The following ACACA variants were observed in gnomAD, a reference collection of about 807,000 sequenced individuals.
ACACA encodes the protein acetyl-CoA carboxylase 1.
A neutral mutation model predicts 296.1 loss-of-function variants in ACACA; 103 were observed. That is an observed-to-expected ratio of 0.35 (90% CI 0.30 to 0.41). ACACA has a LOEUF of 0.41. ACACA is among the 10% of genes least tolerant of loss of function. The probability of loss-of-function intolerance (pLI) is 1.00; values close to 1 mark genes in which losing one functional copy is unlikely to be tolerated. For synonymous variants in ACACA, 953 were observed against 1,038.6 expected (o/e 0.92, Z 1.58); for missense variants, 1,554 against 2,989.7 (o/e 0.52, Z 11.20).
chr17:37,163,437 C>G (rs1359672909), intron 41 of ACACA, among the ~76,000 whole-genome samples: 2 of 152,126 alleles, frequency 1.3e-5, no homozygotes, highest in African/African-American at 4.8e-5. Flanking sequence ...ATTATCCAGC[C>G]TCAGGTATTC....
At chr17:37,390,197 A>T (rs1237479965) in intron 1 of ACACA, among the ~76,000 whole-genome samples, 6 of 81,088 alleles carry the variant, frequency 7.4e-5, no homozygotes, top group Non-Finnish European at 1.3e-4. Flanking sequence ...TTATATATAA[A>T]TATATATAAT....
Position 37,284,934 on chromosome 17 carries a change from G to A in ACACA, c.375C>T (p.Gly125=). Residue 125 remains glycine (G), a synonymous_variant, in exon 4 of 56, where the codon GGC becomes GGT. Transcript: ENST00000616317. ...SMSGLHLVKQ[G]RDRKKIDSQR... is the part of the protein sequence containing the mutation. ...GAGAATCTATTTTCTTTCTGTCTCG[G>A]CCCTGCTTTACTAGGTGCAAGCCAG... 1 of 1,614,036 alleles carries A rather than the reference G, an allele frequency of 6.2e-7. No individual in the cohort carries two copies. The highest frequency in any genetic ancestry group is 8.5e-7 in the Non-Finnish European group (1 of 1,180,002).
chr17:37,111,895 A>G (rs1338073473), intron 51 of ACACA, among the ~76,000 whole-genome samples: 1 of 152,184 alleles, frequency 6.6e-6, no homozygotes, highest in Non-Finnish European at 1.5e-5. Flanking sequence ...TTCCATTTCA[A>G]AGGGAGAAGA....
At position 37,122,691 on chromosome 17, in the gene ACACA, T is replaced by C. The variant is rs2074585678; in HGVS notation, c.6042-64A>G. ...CAACATTATAGCTAGCCATTTGTTT[T>C]CCAATCCCAAATCAAGACATTGGGG... On this transcript the variant is annotated intron_variant, in intron 48 of 55. Transcript: ENST00000616317. The C allele has an allele frequency of 2.9e-6, 4 of 1,399,360 alleles. No homozygotes were observed. In the Admixed American group the frequency reaches 6.7e-5, roughly 23 times the overall value. The allele number at this position is 1,399,360 out of a possible 1,614,324, so 86.7% of individuals were successfully genotyped here.
rs9915785 is a variant in ACACA at position 37,198,711 on chromosome 17, C to T, written c.4158+1428G>A. On this transcript the variant is annotated intron_variant, in intron 35 of 55. Transcript: ENST00000616317. The stretch of plus-strand genomic sequence containing the variant: ...GGAGTCATGCAGTCCACAACATTTC[C>T]TAAAGCATTTCAGAAAATCTTAGCT... Among the ~76,000 whole-genome samples, 1,483 of 152,286 alleles carry T rather than the reference C, an allele frequency of 9.7e-3. 22 individuals carry two copies. Among genetic ancestry groups the T allele is most frequent in the African/African-American group, 0.034 (1,412 of 41,542 alleles).
intron 3 of ACACA, among the ~76,000 whole-genome samples, chr17:37,322,585 C>A (rs2047405732): frequency 6.6e-6 from 1 of 152,112 alleles, no homozygotes; most frequent in South Asian, 2.1e-4. Context: ...TTTTCCAAGA[C>A]CACTCTGGCC....
At chr17:37,142,183 A>G (rs986718235) in intron 45 of ACACA, among the ~76,000 whole-genome samples, 2 of 152,008 alleles carry the variant, frequency 1.3e-5, no homozygotes, top group African/African-American at 4.8e-5. Context: ...GGGTCTCCCA[A>G]ATTCTTAGAC....
intron 29 of ACACA, among the ~76,000 whole-genome samples, chr17:37,219,052 G>A (rs1377717077): frequency 6.6e-6 from 1 of 152,186 alleles, no homozygotes; most frequent in Non-Finnish European, 1.5e-5. Context: ...ACTCAGGAGG[G>A]GAGCTGGTCA....
intron 3 of ACACA, among the ~76,000 whole-genome samples, chr17:37,311,036 A>G (rs2084112767): frequency 6.6e-6 from 1 of 152,158 alleles, no homozygotes; most frequent in South Asian, 2.1e-4. Context: ...GGAACTGTTG[A>G]GAGACTTAGA....
intron 4 of ACACA, 96 bp downstream of exon 4, chr17:37,284,742 C>G: frequency 6.4e-7 from 1 of 1,551,860 alleles, no homozygotes; most frequent in Non-Finnish European, 8.9e-7. Context: ...CTCTGAGAAA[C>G]TAAATATCAA....
chr17:37,336,132 T>C (rs569611935), intron 2 of ACACA, among the ~76,000 whole-genome samples: 2 of 152,206 alleles, frequency 1.3e-5, no homozygotes, highest in African/African-American at 4.8e-5. Flanking sequence ...TACAAATCGT[T>C]CTTCAAATGG....
Position 37,259,525 on chromosome 17 carries a change from C to G in ACACA, c.1335G>C (p.Ala445=). The G allele has an allele frequency of 6.2e-7, 1 of 1,614,152 alleles. No individual in the cohort carries two copies. The highest frequency in any genetic ancestry group is 8.5e-7 in the Non-Finnish European group (1 of 1,180,022). The change falls in exon 12 of 56, where the codon GCG becomes GCC. Residue 445 remains alanine, a synonymous_variant. Coordinates refer to ENST00000616317, the MANE Select transcript of ACACA (RefSeq NM_198834.3). ...PAVFEHMEQC[A]VKLAKMVGYV... ...AACCCACCATTTTGGCAAGTTTCACCGCACACTCAAAGAAGAGAGATAAGC... is the reference window on the plus strand; with the variant it reads ...AACCCACCATTTTGGCAAGTTTCACGGCACACTCAAAGAAGAGAGATAAGC...
chr17:37,239,730 G>T (rs1315798969), intron 24 of ACACA, among the ~76,000 whole-genome samples: 4 of 152,168 alleles, frequency 2.6e-5, no homozygotes, highest in African/African-American at 9.7e-5. Flanking sequence ...AAGCCAACTT[G>T]GTTGTTATGT....
intron 9 of ACACA, among the ~76,000 whole-genome samples, chr17:37,271,751 C>T (rs1432356949): frequency 1.3e-5 from 2 of 151,966 alleles, no homozygotes; most frequent in East Asian, 3.9e-4. Flanking sequence ...AGGTGGATCA[C>T]CTGAGGTCAG....
chr17:37,227,314 C>T (rs2079583578), intron 25 of ACACA, among the ~76,000 whole-genome samples: 1 of 152,158 alleles, frequency 6.6e-6, no homozygotes, highest in South Asian at 2.1e-4. Context: ...TTATAAATGT[C>T]TGTCCTTTTT....
At chr17:37,258,646 T>C (rs965085504) in intron 12 of ACACA, among the ~76,000 whole-genome samples, 4 of 152,156 alleles carry the variant, frequency 2.6e-5, no homozygotes. Flanking sequence ...CTCCATCACG[T>C]AATAAGAATG....
chr17:37,374,518 C>T (rs1043907317), intron 1 of ACACA, among the ~76,000 whole-genome samples: 2 of 152,110 alleles, frequency 1.3e-5, no homozygotes, highest in African/African-American at 2.4e-5. Flanking sequence ...AACTCCCGAC[C>T]TCAGGTCATC....
intron 1 of ACACA, among the ~76,000 whole-genome samples, chr17:37,363,841 G>A (rs1343903722): frequency 1.3e-5 from 2 of 151,978 alleles, no homozygotes; most frequent in Non-Finnish European, 2.9e-5. Flanking sequence ...CAAAATTTGC[G>A]GCAGGGCACG....
chr17:37,282,173 G>A (rs1201279246), intron 5 of ACACA, among the ~76,000 whole-genome samples: 1 of 152,166 alleles, frequency 6.6e-6, no homozygotes, highest in Non-Finnish European at 1.5e-5. Context: ...TTGATGATAC[G>A]TGAGTTCTCA....
Sources: gnomAD v4.1 joint callset for allele counts (sites outside exome capture counted in the v4.1 genomes callset) on GRCh38, gnomAD v4.1.1 for gene constraint, MANE v1.5 for transcripts, NCBI Gene and HGNC (gene_info 2026-07-23, HGNC 2026-07-21) for gene names.